The following PRKG1 variants were observed in gnomAD, a reference collection of about 807,000 sequenced individuals.
PRKG1 encodes the protein cGMP-dependent protein kinase 1.
Under a neutral mutation model 88.1 loss-of-function variants are expected in PRKG1, and 35 were observed. The ratio of observed to expected loss-of-function variants is 0.40; its 90% CI spans 0.30 to 0.53. The LOEUF (loss-of-function observed/expected upper bound fraction) is 0.53, where lower values mean the gene tolerates loss of function less well. PRKG1 is among the 20% of genes least tolerant of loss of function. The pLI is 0.59. For synonymous variants in PRKG1, 303 were observed against 292.5 expected (o/e 1.04, Z -0.37); for missense variants, 540 against 839.8 (o/e 0.64, Z 4.41).
At chr10:51,635,895 GCTT>G (rs2132288668) in intron 3 of PRKG1, among the ~76,000 whole-genome samples, 1 of 152,222 alleles carries the variant, frequency 6.6e-6, no homozygotes, top group Non-Finnish European at 1.5e-5. Flanking sequence ...TAAATCTTCA[GCTT>G]CTAATATTTT....
chr10:51,719,452 A>C (rs1027959199), intron 3 of PRKG1, among the ~76,000 whole-genome samples: 1 of 152,216 alleles, frequency 6.6e-6, no homozygotes, highest in Non-Finnish European at 1.5e-5. Flanking sequence ...AGACAAACAC[A>C]AATTGAGGGA....
chr10:51,300,759 C>T (rs1589332691), intron 2 of PRKG1, among the ~76,000 whole-genome samples: 1 of 152,194 alleles, frequency 6.6e-6, no homozygotes, highest in Non-Finnish European at 1.5e-5. Context: ...TATCTGAGAT[C>T]TAAGCAGCAG....
intron 3 of PRKG1, among the ~76,000 whole-genome samples, chr10:51,714,942 A>T (rs1392304732): frequency 6.6e-6 from 1 of 152,228 alleles, no homozygotes; most frequent in Non-Finnish European, 1.5e-5. Flanking sequence ...ATTATCTCTT[A>T]TAAATATATT....
intron 5 of PRKG1, among the ~76,000 whole-genome samples, chr10:52,000,371 T>TA (rs1844564152): frequency 6.6e-6 from 1 of 152,056 alleles, no homozygotes; most frequent in Non-Finnish European, 1.5e-5. Flanking sequence ...TTCTGTAAAT[T>TA]AAAAGAAGTA....
chr10:51,653,436 T>C, intron 3 of PRKG1, among the ~76,000 whole-genome samples: 1 of 152,218 alleles, frequency 6.6e-6, no homozygotes, highest in African/African-American at 2.4e-5. Context: ...ATTGAGGTTT[T>C]GATTTCCATT....
intron 2 of PRKG1, among the ~76,000 whole-genome samples, chr10:51,384,838 A>G (rs1195953395): frequency 6.6e-6 from 1 of 152,182 alleles, no homozygotes; most frequent in African/African-American, 2.4e-5. Flanking sequence ...ACTACACATG[A>G]AATAGCTGTT....
intron 1 of PRKG1, among the ~76,000 whole-genome samples, chr10:51,123,710 T>C (rs921116161): frequency 6.7e-6 from 1 of 148,430 alleles, no homozygotes; most frequent in Admixed American, 6.8e-5. Flanking sequence ...AAAAAAAAAT[T>C]ACTGGAGGCT....
At chr10:51,179,316 A>G (rs1837282540) in intron 2 of PRKG1, among the ~76,000 whole-genome samples, 1 of 152,250 alleles carries the variant, frequency 6.6e-6, no homozygotes. Flanking sequence ...CTTAAAAAGA[A>G]GTTTTTAAAA....
intron 3 of PRKG1, among the ~76,000 whole-genome samples, chr10:51,630,220 G>T (rs1317176776): frequency 6.6e-6 from 1 of 152,192 alleles, no homozygotes; most frequent in Non-Finnish European, 1.5e-5. Flanking sequence ...GTATGAGAAG[G>T]CATGTGTGCT....
At chr10:51,578,981 T>C (rs77122010) in intron 3 of PRKG1, among the ~76,000 whole-genome samples, 7 of 81,892 alleles carry the variant, frequency 8.5e-5, no homozygotes, top group South Asian at 4.4e-4. Flanking sequence ...GTTCTGTTGG[T>C]TTTTTTTTTT....
chr10:51,336,745 T>G (rs79334352), intron 2 of PRKG1, among the ~76,000 whole-genome samples: 219 of 152,266 alleles, frequency 1.4e-3, no homozygotes, highest in African/African-American at 5.1e-3. Context: ...CAGTAATAAA[T>G]GGACACTTCA....
At chr10:52,203,396 A>AT (rs1839727997) in intron 9 of PRKG1, among the ~76,000 whole-genome samples, 1 of 151,998 alleles carries the variant, frequency 6.6e-6, no homozygotes, top group African/African-American at 2.4e-5. Context: ...ATATAATTTC[A>AT]TTTTTTTAAA....
intron 1 of PRKG1, among the ~76,000 whole-genome samples, chr10:51,097,092 G>A (rs2131874709): frequency 6.6e-6 from 1 of 152,202 alleles, no homozygotes; most frequent in African/African-American, 2.4e-5. Flanking sequence ...CTGTTCCCTG[G>A]TATCTTTTCT....
At chr10:52,132,023 A>C (rs1837280384) in intron 7 of PRKG1, among the ~76,000 whole-genome samples, 1 of 151,948 alleles carries the variant, frequency 6.6e-6, no homozygotes, top group African/African-American at 2.4e-5. Flanking sequence ...AGTGAGAAAC[A>C]AATGAAAAGG....
chr10:52,045,318 C>T lies in PRKG1; in HGVS notation c.763-9166C>T, dbSNP rs148532230. Among the ~76,000 whole-genome samples, 610 of 152,066 alleles carry T rather than the reference C, an allele frequency of 4.0e-3. 6 individuals are homozygous for T. Among genetic ancestry groups the T allele is most frequent in the African/African-American group, 0.014 (580 of 41,492 alleles). On this transcript the variant is annotated intron_variant, in intron 5 of 17. Transcript: ENST00000373980. Reference sequence around the variant, plus strand: ...AAGGGCTTTAAATACTAATGGGTACCTCAGTAGAAACAAGGTCCTGAGACT... The same window carrying T: ...AAGGGCTTTAAATACTAATGGGTACTTCAGTAGAAACAAGGTCCTGAGACT...
At chr10:52,075,944 T>C (rs1846617780) in intron 7 of PRKG1, among the ~76,000 whole-genome samples, 1 of 152,192 alleles carries the variant, frequency 6.6e-6, no homozygotes, top group Non-Finnish European at 1.5e-5. Flanking sequence ...CTCTAAATAC[T>C]GTCACATTGG....
At chr10:51,524,265 C>A (rs767631933) in intron 3 of PRKG1, among the ~76,000 whole-genome samples, 9 of 152,110 alleles carry the variant, frequency 5.9e-5, no homozygotes. Context: ...TTATGGCAAT[C>A]TGAGAATGAA....
chr10:51,623,352 C>A (rs962449248), intron 3 of PRKG1, among the ~76,000 whole-genome samples: 1 of 152,252 alleles, frequency 6.6e-6, no homozygotes, highest in African/African-American at 2.4e-5. Flanking sequence ...AGGCATGTGC[C>A]GCCATGACTG....
intron 3 of PRKG1, among the ~76,000 whole-genome samples, chr10:51,800,874 T>C (rs895520894): frequency 2.0e-5 from 3 of 152,040 alleles, no homozygotes; most frequent in African/African-American, 7.2e-5. Context: ...TCTGGTCTCA[T>C]CCCAAGGCAA....
Sources: gnomAD v4.1 joint callset for allele counts (sites outside exome capture counted in the v4.1 genomes callset) on GRCh38, gnomAD v4.1.1 for gene constraint, MANE v1.5 for transcripts, NCBI Gene and HGNC (gene_info 2026-07-23, HGNC 2026-07-21) for gene names.